Variants in AGBL1 observed in about 807,000 individuals in gnomAD.
AGBL1 encodes the protein AGBL carboxypeptidase 1.
In AGBL1, 130 loss-of-function variants were observed where a neutral mutation model predicts 118.9. The ratio of observed to expected loss-of-function variants is 1.09; its 90% confidence interval spans 0.95 to 1.26. The LOEUF (loss-of-function observed/expected upper bound fraction) is 1.26, where lower values mean the gene tolerates loss of function less well. AGBL1 is among the 50% of genes most tolerant of loss of function. The pLI is 0.00. For missense variants in AGBL1, 1,584 were observed against 1,298.1 expected, an observed-to-expected ratio of 1.22 and a Z score of -3.38; for synonymous variants, 555 against 478.9, an observed-to-expected ratio of 1.16 and a Z score of -2.08.
chr15:86,351,581 A>G (rs16976239), intron 17 of AGBL1, among the ~76,000 whole-genome samples: 9,640 of 152,268 alleles, frequency 0.063, 426 homozygotes, highest in East Asian at 0.21. Context: ...ACGTGATGCT[A>G]TAAGTCTTGC....
intron 24 of AGBL1, among the ~76,000 whole-genome samples, chr15:87,015,415 G>T (rs181499475): frequency 4.6e-5 from 7 of 151,712 alleles, no homozygotes; most frequent in African/African-American, 1.7e-4. Flanking sequence ...TTTTCTATCT[G>T]TCCTATTGGC....
chr15:86,553,747 T>A (rs922206445), intron 20 of AGBL1, among the ~76,000 whole-genome samples: 1 of 152,192 alleles, frequency 6.6e-6, no homozygotes, highest in Non-Finnish European at 1.5e-5. Context: ...CAAATGTATG[T>A]GTGCAGCCTT....
intron 21 of AGBL1, among the ~76,000 whole-genome samples, chr15:86,625,378 T>G (rs900354329): frequency 2.5e-4 from 10 of 40,582 alleles, no homozygotes; most frequent in African/African-American, 1.4e-3. Flanking sequence ...TTTTTTTTTT[T>G]GTTTTTGTTT....
At chr15:86,595,239 A>T (rs554469572) in intron 21 of AGBL1, among the ~76,000 whole-genome samples, 1 of 152,212 alleles carries the variant, frequency 6.6e-6, no homozygotes, top group South Asian at 2.1e-4. Context: ...GTTAATTCCA[A>T]ATTTATATCT....
At chr15:87,011,751 G>C (rs16939671) in intron 24 of AGBL1, among the ~76,000 whole-genome samples, 9,971 of 152,204 alleles carry the variant, frequency 0.066, 512 homozygotes, top group East Asian at 0.28. Context: ...TGAGATATTT[G>C]CTTAGGAGCT....
chr15:86,121,053 T>C (rs1898065963), intron 1 of AGBL1, among the ~76,000 whole-genome samples: 2 of 152,076 alleles, frequency 1.3e-5, no homozygotes, highest in Admixed American at 1.3e-4. Flanking sequence ...TGTGCCACCA[T>C]GCCTGCCTAA....
At chr15:86,751,922 T>A (rs1030347824) in intron 22 of AGBL1, among the ~76,000 whole-genome samples, 1 of 152,082 alleles carries the variant, frequency 6.6e-6, no homozygotes, top group African/African-American at 2.4e-5. Flanking sequence ...ATTTTAGAGA[T>A]GTTCATCTGT....
At chr15:86,433,110 CA>C (rs1184603529) in intron 18 of AGBL1, among the ~76,000 whole-genome samples, 1 of 152,028 alleles carries the variant, frequency 6.6e-6, no homozygotes, top group Admixed American at 6.6e-5. Flanking sequence ...ATGCAGGAGC[CA>C]AAGGTCAGTG....
At chr15:86,218,379 T>G (rs1297908728) in intron 5 of AGBL1, among the ~76,000 whole-genome samples, 1 of 152,134 alleles carries the variant, frequency 6.6e-6, no homozygotes, top group African/African-American at 2.4e-5. Flanking sequence ...GTGAAGTGAA[T>G]GTTAGGTTGC....
intron 22 of AGBL1, among the ~76,000 whole-genome samples, chr15:86,841,709 T>C (rs1420095082): frequency 6.6e-6 from 1 of 152,026 alleles, no homozygotes; most frequent in Non-Finnish European, 1.5e-5. Context: ...TATCTGGGTG[T>C]GGTGGTGCAT....
chr15:86,218,073 C>A (rs2078218998), intron 5 of AGBL1, among the ~76,000 whole-genome samples: 1 of 152,074 alleles, frequency 6.6e-6, no homozygotes, highest in Non-Finnish European at 1.5e-5. Flanking sequence ...TTCTAATATA[C>A]CTAAGGAATA....
intron 19 of AGBL1, among the ~76,000 whole-genome samples, chr15:86,535,587 C>A (rs533427898): frequency 1.4e-4 from 21 of 152,302 alleles, no homozygotes; most frequent in South Asian, 8.3e-4. Flanking sequence ...AAGAGCGCAT[C>A]AATTTCTGTT....
intron 22 of AGBL1, among the ~76,000 whole-genome samples, chr15:86,707,647 G>T (rs562270407): frequency 6.6e-6 from 1 of 152,080 alleles, no homozygotes; most frequent in Non-Finnish European, 1.5e-5. Flanking sequence ...GAAAAGCAAA[G>T]CCTCATAAGT....
intron 18 of AGBL1, among the ~76,000 whole-genome samples, chr15:86,489,398 A>G (rs556646534): frequency 4.9e-4 from 75 of 152,260 alleles, no homozygotes; most frequent in African/African-American, 1.7e-3. Flanking sequence ...GTATTTCCAC[A>G]TATATCATCT....
At chr15:86,564,890 G>A (rs2083888337) in intron 21 of AGBL1, among the ~76,000 whole-genome samples, 1 of 152,098 alleles carries the variant, frequency 6.6e-6, no homozygotes, top group South Asian at 2.1e-4. Flanking sequence ...TTGATCTTCA[G>A]TCACTGATAC....
intron 22 of AGBL1, among the ~76,000 whole-genome samples, chr15:86,723,542 T>C (rs1211315822): frequency 1.3e-5 from 2 of 151,946 alleles, no homozygotes; most frequent in Non-Finnish European, 2.9e-5. Context: ...CATTAGGAGA[T>C]ATACCTAATA....
chr15:86,380,558 C>A (rs752583994), intron 17 of AGBL1, among the ~76,000 whole-genome samples: 1 of 151,052 alleles, frequency 6.6e-6, no homozygotes, highest in African/African-American at 2.4e-5. Flanking sequence ...CTTCTTCCTC[C>A]GTCCCTTTCC....
chr15:86,167,564 A>T (rs1238092590), intron 5 of AGBL1, among the ~76,000 whole-genome samples: 1 of 152,242 alleles, frequency 6.6e-6, no homozygotes, highest in Admixed American at 6.5e-5. Flanking sequence ...GATATTTCTA[A>T]TAGAATTCTA....
chr15:86,769,832 G>A (rs1372372428), intron 22 of AGBL1, among the ~76,000 whole-genome samples: 1 of 151,856 alleles, frequency 6.6e-6, no homozygotes, highest in African/African-American at 2.4e-5. Flanking sequence ...TCATCTCATT[G>A]CCTCCCTTTT....
Sources: gnomAD v4.1 joint callset for allele counts (sites outside exome capture counted in the v4.1 genomes callset) on GRCh38, gnomAD v4.1.1 for gene constraint, MANE v1.5 for transcripts, NCBI Gene and HGNC (gene_info 2026-07-23, HGNC 2026-07-21) for gene names.